Variants in ZNF608 observed in about 807,000 individuals in gnomAD.
ZNF608 encodes renal carcinoma antigen NY-REN-36.
Under a neutral mutation model 109.0 loss-of-function variants are expected in ZNF608, and 12 were observed. The observed-to-expected ratio is 0.11, with a 90% CI of 0.07 to 0.18. The LOEUF (loss-of-function observed/expected upper bound fraction) is 0.18, where lower values mean the gene tolerates loss of function less well. ZNF608 is among the 10% of genes least tolerant of loss of function. The probability of loss-of-function intolerance (pLI) is 1.00; values close to 1 mark genes in which losing one functional copy is unlikely to be tolerated. For synonymous variants in ZNF608, 732 were observed against 717.4 expected (o/e 1.02, Z -0.33); for missense variants, 1,707 against 1,879.3 (o/e 0.91, Z 1.70).
rs569819806 is a variant in ZNF608 at position 124,656,863 on chromosome 5, C to T, written c.1163-7166G>A. On this transcript the variant is annotated intron_variant, in intron 3 of 9. Transcript: ENST00000513986. The stretch of plus-strand genomic sequence containing the variant: ...ACACACACACACACAGCTAAAGAAA[C>T]CTTGTTTCCCCATGGGCCTTATGGT... 2.1e-5 allele frequency among the ~76,000 whole-genome samples: 3 copies of T among 146,204 alleles called. No homozygotes were observed. The East Asian group carries it at 5.9e-4, about 29-fold the overall frequency.
chr5:124,669,779 T>C (rs1326678329), intron 3 of ZNF608, among the ~76,000 whole-genome samples: 3 of 151,924 alleles, frequency 2.0e-5, no homozygotes, highest in African/African-American at 7.3e-5. Flanking sequence ...TACACCTGAG[T>C]CCTTATTACA....
rs199762939 is a variant in ZNF608 at position 124,639,189 on chromosome 5, G to T, written c.4476C>A (p.Ala1492=). The change falls in exon 9 of 10, where the codon GCC becomes GCA. Residue 1492 remains alanine (A), a synonymous_variant. Coordinates refer to ENST00000513986, the MANE Select transcript of ZNF608 (RefSeq NM_020747.3). The stretch of plus-strand genomic sequence containing the variant: ...ATGCCTGGGCAGCCACCTGCTGAGA[G>T]GCAACAAGGGCAGCAGAGGTCAAGC... ...FQGLTSAALV[A]SQQVAAQASA... is the part of the protein sequence containing the mutation. 6.2e-7 allele frequency: 1 copy of T among 1,614,216 alleles called. No individual in the cohort carries two copies. Among genetic ancestry groups the T allele is most frequent in the East Asian group, 2.2e-5 (1 of 44,894 alleles).
Position 124,644,578 on chromosome 5 carries a change from C to G in ZNF608, c.3789G>C (p.Glu1263Asp), listed in dbSNP as rs781721966. The G allele has an allele frequency of 2.5e-6, 4 of 1,613,704 alleles. No homozygotes were observed. The highest frequency in any genetic ancestry group is 3.4e-6 in the Non-Finnish European group (4 of 1,179,932). ...DQQKSEELDREKKLKEDSPRK... is the reference protein window; with the variant it reads ...DQQKSEELDRDKKLKEDSPRK... ...TCGGACTATCCTCTTTTAATTTCTT[C>G]TCTCTATCAAGTTCTTCTGACTTTT... is the stretch of plus-strand genomic sequence containing the variant. Residue 1263 changes from glutamate to aspartate, a missense_variant, in exon 6 of 10, where the codon GAG becomes GAC. Coordinates refer to ENST00000513986, the MANE Select transcript of ZNF608 (RefSeq NM_020747.3).
At chr5:124,710,435 T>C (rs1257845268) in intron 2 of ZNF608, 3 of 362,802 alleles carry the variant, frequency 8.3e-6, no homozygotes, top group Non-Finnish European at 5.4e-6. Flanking sequence ...TGAGTCACAC[T>C]GTATGGGAGC....
intron 3 of ZNF608, among the ~76,000 whole-genome samples, chr5:124,674,518 T>C (rs1373653523): frequency 6.6e-6 from 1 of 152,216 alleles, no homozygotes; most frequent in African/African-American, 2.4e-5. Context: ...ATTAAAAAAA[T>C]GCATAGACTG....
chr5:124,728,312 A>C (rs945594512), intron 2 of ZNF608, among the ~76,000 whole-genome samples: 3 of 152,156 alleles, frequency 2.0e-5, no homozygotes, highest in African/African-American at 7.2e-5. Flanking sequence ...TGGAGAAAAA[A>C]ATAGGCTTTA....
intron 3 of ZNF608, among the ~76,000 whole-genome samples, chr5:124,693,747 C>T (rs1229566742): frequency 6.6e-6 from 1 of 152,184 alleles, no homozygotes; most frequent in South Asian, 2.1e-4. Flanking sequence ...CACAATCACT[C>T]ATCATATCCA....
At chr5:124,714,536 AC>A (rs1561578948) in intron 2 of ZNF608, among the ~76,000 whole-genome samples, 1 of 152,192 alleles carries the variant, frequency 6.6e-6, no homozygotes, top group Non-Finnish European at 1.5e-5. Flanking sequence ...CAGATCATTT[AC>A]TTACTAGTAT....
chr5:124,738,530 C>T (rs755909319), intron 2 of ZNF608, among the ~76,000 whole-genome samples: 1 of 149,040 alleles, frequency 6.7e-6, no homozygotes, highest in Non-Finnish European at 1.5e-5. Context: ...ATCCTGCCAC[C>T]TCTTCTACAC....
intron 2 of ZNF608, among the ~76,000 whole-genome samples, chr5:124,743,379 T>G (rs1194809660): frequency 6.6e-6 from 1 of 152,142 alleles, no homozygotes; most frequent in African/African-American, 2.4e-5. Flanking sequence ...AATCTCTAGC[T>G]AAGAACTGGG....
chr5:124,728,035 G>A (rs1228810943), intron 2 of ZNF608, among the ~76,000 whole-genome samples: 3 of 152,008 alleles, frequency 2.0e-5, no homozygotes, highest in East Asian at 1.9e-4. Flanking sequence ...CCACTGTGCC[G>A]GGCCCCAAGT....
chr5:124,736,087 G>A (rs1200344571), intron 2 of ZNF608, among the ~76,000 whole-genome samples: 1 of 151,462 alleles, frequency 6.6e-6, no homozygotes, highest in African/African-American at 2.4e-5. Context: ...TTCTTAACTG[G>A]CTCAAGGGAT....
In ZNF608 at chr5:124,695,105, T is replaced by A. The variant is rs1022723857; in HGVS notation, c.1162+5909A>T. On this transcript the variant is annotated intron_variant, in intron 3 of 9. Transcript: ENST00000513986. Reference sequence around the variant, plus strand: ...GATTTATCTCCATTTAGCGCAGGAGTCATAAGAAGCATGCCCACTAGACAT... The same window carrying A: ...GATTTATCTCCATTTAGCGCAGGAGACATAAGAAGCATGCCCACTAGACAT... Among the ~76,000 whole-genome samples the A allele has an allele frequency of 3.9e-5, 6 of 151,924 alleles. No homozygotes were observed. The South Asian group carries it at 1.0e-3, about 26-fold the overall frequency.
intron 2 of ZNF608, among the ~76,000 whole-genome samples, chr5:124,718,407 G>A (rs754598396): frequency 9.9e-5 from 15 of 152,186 alleles, no homozygotes; most frequent in Admixed American, 2.0e-4. Context: ...AGAATTGTAC[G>A]AACTCTTTGA....
At chr5:124,719,743 G>A (rs1388904414) in intron 2 of ZNF608, among the ~76,000 whole-genome samples, 1 of 152,188 alleles carries the variant, frequency 6.6e-6, no homozygotes. Flanking sequence ...CAGAAGCAAA[G>A]GTTTCTGCGT....
chr5:124,685,903 G>A (rs997835454), intron 3 of ZNF608, among the ~76,000 whole-genome samples: 1 of 152,180 alleles, frequency 6.6e-6, no homozygotes, highest in Admixed American at 6.5e-5. Flanking sequence ...AATATAGATG[G>A]TGATGCTAAA....
At chr5:124,649,277 A>G in intron 4 of ZNF608, 144 bp from the exon 5 acceptor site, 1 of 681,192 alleles carries the variant, frequency 1.5e-6, no homozygotes, top group East Asian at 3.0e-5. Flanking sequence ...GACAATTTCC[A>G]ACACCTGCAA....
intron 2 of ZNF608, among the ~76,000 whole-genome samples, chr5:124,732,312 T>C (rs1748943326): frequency 6.6e-6 from 1 of 152,152 alleles, no homozygotes; most frequent in East Asian, 1.9e-4. Context: ...AGAGACAGTT[T>C]ATACACAAAA....
chr5:124,641,128 TA>T, intron 8 of ZNF608, 123 bp downstream of exon 8: 1 of 1,277,800 alleles, frequency 7.8e-7, no homozygotes, highest in Non-Finnish European at 1.1e-6. Flanking sequence ...AAATAAGTGT[TA>T]AAAACCCTCC....
Sources: allele counts gnomAD v4.1 joint callset (sites outside exome capture counted in the v4.1 genomes callset), GRCh38; gene constraint gnomAD v4.1.1; transcripts MANE v1.5; gene names NCBI Gene and HGNC (gene_info 2026-07-23, HGNC 2026-07-21).